The following MYO9A variants were observed in gnomAD, a reference collection of about 807,000 sequenced individuals.
MYO9A encodes the protein unconventional myosin-IXa.
A neutral mutation model predicts 293.3 loss-of-function variants in MYO9A; 103 were observed. That is an observed-to-expected ratio of 0.35 (90% CI 0.30 to 0.41). MYO9A has a LOEUF of 0.41. Among genes scored for constraint, MYO9A ranks in the 10% least tolerant of loss-of-function variants. The probability of loss-of-function intolerance (pLI) is 1.00; values close to 1 mark genes in which losing one functional copy is unlikely to be tolerated. For missense variants in MYO9A, 2,685 were observed against 3,033.0 expected, an observed-to-expected ratio of 0.89 and a Z score of 2.69; for synonymous variants, 1,001 against 1,035.7, an observed-to-expected ratio of 0.97 and a Z score of 0.64.
intron 1 of MYO9A, among the ~76,000 whole-genome samples, chr15:72,110,311 C>A (rs1160837389): frequency 6.6e-6 from 1 of 150,716 alleles, no homozygotes; most frequent in Non-Finnish European, 1.5e-5. Flanking sequence ...TGGCAGGCAC[C>A]TGTAATCCCA....
intron 1 of MYO9A, among the ~76,000 whole-genome samples, chr15:72,100,575 CCAT>C (rs899571189): frequency 3.6e-4 from 55 of 151,926 alleles, no homozygotes; most frequent in African/African-American, 1.3e-3. Flanking sequence ...GCCCGGCCGC[CCAT>C]CATCTGAGAT....
chr15:71,851,166 C>T, intron 37 of MYO9A, 87 bp downstream of exon 37: 14 of 1,002,256 alleles, frequency 1.4e-5, no homozygotes, highest in Non-Finnish European at 2.1e-5. Context: ...AAATACCTGT[C>T]AGTCTTCCAA....
chr15:71,934,845 A>G (rs2058590490), intron 17 of MYO9A, among the ~76,000 whole-genome samples: 1 of 138,226 alleles, frequency 7.2e-6, no homozygotes, highest in African/African-American at 2.8e-5. Context: ...CATGGTAGAG[A>G]ATGGTTATAG....
intron 1 of MYO9A, among the ~76,000 whole-genome samples, chr15:72,097,599 T>C (rs1397308481): frequency 1.3e-5 from 2 of 152,160 alleles, no homozygotes; most frequent in African/African-American, 4.8e-5. Context: ...ATCAGAAGTA[T>C]GCCTGTATAT....
At chr15:71,991,435 T>C (rs1191727820) in intron 10 of MYO9A, among the ~76,000 whole-genome samples, 198 bp from the exon 11 acceptor site, 2 of 152,170 alleles carry the variant, frequency 1.3e-5, no homozygotes, top group Non-Finnish European at 2.9e-5. Flanking sequence ...ATTAAAAAAA[T>C]ATATCCAAAC....
intron 1 of MYO9A, among the ~76,000 whole-genome samples, chr15:72,057,932 C>G (rs1022876726): frequency 1.7e-4 from 26 of 152,164 alleles, no homozygotes; most frequent in Admixed American, 1.3e-4. Context: ...ATCAAAAGAA[C>G]CCATTATAAT....
At chr15:71,967,495 G>A (rs1411132256) in intron 13 of MYO9A, among the ~76,000 whole-genome samples, 1 of 152,078 alleles carries the variant, frequency 6.6e-6, no homozygotes, top group African/African-American at 2.4e-5. Flanking sequence ...TGAAATAGCA[G>A]GCTTAAACAT....
chr15:72,021,097 A>G (rs915867412), intron 4 of MYO9A, 80 bp from the exon 5 acceptor site: 47 of 810,588 alleles, frequency 5.8e-5, no homozygotes, highest in Admixed American at 9.0e-5. Flanking sequence ...GGAAGCAAAC[A>G]GTAATTAGTA....
chr15:72,022,330 G>C (rs1332564069), intron 4 of MYO9A, among the ~76,000 whole-genome samples: 2 of 151,938 alleles, frequency 1.3e-5, no homozygotes, highest in Non-Finnish European at 2.9e-5. Flanking sequence ...GATCATCCTG[G>C]TCAACATGGT....
At chr15:71,958,127 T>C (rs1235643041) in intron 14 of MYO9A, among the ~76,000 whole-genome samples, 1 of 152,162 alleles carries the variant, frequency 6.6e-6, no homozygotes, top group Admixed American at 6.5e-5. Context: ...GTATTATCTT[T>C]GCCCTCTTAT....
intron 19 of MYO9A, among the ~76,000 whole-genome samples, chr15:71,915,832 A>C (rs982546883): frequency 6.6e-6 from 1 of 152,182 alleles, no homozygotes; most frequent in Non-Finnish European, 1.5e-5. Flanking sequence ...ATGATTTGAG[A>C]AGAATGGAAG....
At chr15:72,012,633 T>C (rs2077207428) in intron 6 of MYO9A, among the ~76,000 whole-genome samples, 1 of 152,154 alleles carries the variant, frequency 6.6e-6, no homozygotes, top group Admixed American at 6.6e-5. Context: ...TTCTTTTACC[T>C]ATAGTAAGTA....
At chr15:72,030,773 C>G (rs2077839537) in intron 3 of MYO9A, among the ~76,000 whole-genome samples, 1 of 152,140 alleles carries the variant, frequency 6.6e-6, no homozygotes, top group Non-Finnish European at 1.5e-5. Flanking sequence ...ATTTGCGTAC[C>G]TCAGCCTCCC....
At chr15:71,929,665 A>G (rs529778158) in intron 18 of MYO9A, among the ~76,000 whole-genome samples, 1 of 152,320 alleles carries the variant, frequency 6.6e-6, no homozygotes, top group East Asian at 1.9e-4. Flanking sequence ...GATCCTTTCA[A>G]TGTCGTATTG....
intron 38 of MYO9A, among the ~76,000 whole-genome samples, chr15:71,849,174 G>A (rs1261975215): frequency 6.6e-6 from 1 of 152,200 alleles, no homozygotes; most frequent in East Asian, 1.9e-4. Flanking sequence ...TTATGGCTGA[G>A]CACAGTGGTT....
At chr15:72,104,474 T>C (rs1267872906) in intron 1 of MYO9A, among the ~76,000 whole-genome samples, 1 of 152,206 alleles carries the variant, frequency 6.6e-6, no homozygotes, top group Non-Finnish European at 1.5e-5. Flanking sequence ...GTCTGGTACC[T>C]AGTGTGCATT....
At chr15:72,100,721 C>G (rs374547115) in intron 1 of MYO9A, among the ~76,000 whole-genome samples, 1 of 150,658 alleles carries the variant, frequency 6.6e-6, no homozygotes, top group East Asian at 2.0e-4. Context: ...ACCCTCTGCC[C>G]GGCAACCACC....
At chr15:71,904,774 G>C in intron 20 of MYO9A, 152 bp downstream of exon 20, 1 of 442,422 alleles carries the variant, frequency 2.3e-6, no homozygotes, top group East Asian at 3.6e-5. Context: ...GCAGGGAAGT[G>C]TGGAAAAATC....
chr15:72,007,684 T>C (rs2077056023), intron 8 of MYO9A, 142 bp downstream of exon 8: 2 of 769,376 alleles, frequency 2.6e-6, no homozygotes, highest in East Asian at 3.1e-5. Context: ...ATTAGATCTT[T>C]TGGAAATGCT....
Sources: allele counts gnomAD v4.1 joint callset (sites outside exome capture counted in the v4.1 genomes callset), GRCh38; gene constraint gnomAD v4.1.1; transcripts MANE v1.5; gene names NCBI Gene and HGNC (gene_info 2026-07-23, HGNC 2026-07-21).